Variants in HMGA2 observed in about 807,000 individuals in gnomAD.
HMGA2 encodes the protein high mobility group protein HMGI-C.
Under a neutral mutation model 19.1 loss-of-function variants are expected in HMGA2, and 8 were observed. The observed-to-expected ratio is 0.42, with a 90% CI of 0.25 to 0.76. HMGA2 has a LOEUF of 0.76. Ranked by LOEUF, HMGA2 falls within the 30% of genes least tolerant of loss-of-function variation. The probability of loss-of-function intolerance (pLI) is 0.28; values close to 1 mark genes in which losing one functional copy is unlikely to be tolerated. For missense variants in HMGA2, 109 were observed against 136.3 expected (o/e 0.80, Z 1.00); for synonymous variants, 60 against 48.8 (o/e 1.23, Z -0.96).
intron 3 of HMGA2, chr12:65,867,019 A>G (rs955589537): frequency 2.2e-6 from 1 of 453,124 alleles, no homozygotes; most frequent in Non-Finnish European, 4.4e-6. Context: ...TAGTTTCTAA[A>G]CACTGCAGAA....
intron 3 of HMGA2, among the ~76,000 whole-genome samples, chr12:65,948,036 A>G (rs1262808459): frequency 2.0e-5 from 3 of 152,048 alleles, no homozygotes; most frequent in South Asian, 2.1e-4. Flanking sequence ...GCATTATATC[A>G]GGGATTAAGA....
intron 3 of HMGA2, among the ~76,000 whole-genome samples, chr12:65,850,873 G>C (rs1050736755): frequency 6.6e-6 from 1 of 152,106 alleles, no homozygotes; most frequent in African/African-American, 2.4e-5. Flanking sequence ...CCTTGACAGT[G>C]GTGTACAAGT....
At chr12:65,888,412 G>A (rs1288593168) in intron 3 of HMGA2, among the ~76,000 whole-genome samples, 1 of 151,468 alleles carries the variant, frequency 6.6e-6, no homozygotes, top group Non-Finnish European at 1.5e-5. Flanking sequence ...CCAAGATGGC[G>A]CCACTGCACT....
At chr12:65,897,582 C>A (rs1019274486) in intron 3 of HMGA2, among the ~76,000 whole-genome samples, 1 of 152,142 alleles carries the variant, frequency 6.6e-6, no homozygotes, top group East Asian at 1.9e-4. Context: ...AGTGAGCAAG[C>A]ATGCAGAGCA....
intron 3 of HMGA2, among the ~76,000 whole-genome samples, chr12:65,861,752 T>G (rs945826707): frequency 6.6e-6 from 1 of 151,906 alleles, no homozygotes; most frequent in African/African-American, 2.4e-5. Flanking sequence ...CTTAAATTTT[T>G]TTTCTCTCTG....
chr12:65,957,727 C>T (rs538795152), intron 4 of HMGA2: 17 of 152,056 alleles, frequency 1.1e-4, no homozygotes, highest in Non-Finnish European at 2.5e-4. Flanking sequence ...CCCTTTATCC[C>T]AGAAAGGAGA....
In HMGA2 at chr12:65,880,216, A is replaced by G. The variant is rs574185224; in HGVS notation, c.249+41647A>G. Reference sequence around the variant, plus strand: ...TCACGGGGAAAATCCTAGCACTTTGAAAGCATTTCAGGTCAAAGCAAATAA... The same window carrying G: ...TCACGGGGAAAATCCTAGCACTTTGGAAGCATTTCAGGTCAAAGCAAATAA... On this transcript the variant is annotated intron_variant, in intron 3 of 4. Transcript: ENST00000403681. Among the ~76,000 whole-genome samples, 7 of 152,360 alleles carry G rather than the reference A, an allele frequency of 4.6e-5. No homozygotes were observed. The South Asian group carries it at 1.5e-3, about 32-fold the overall frequency.
chr12:65,859,333 C>T (rs1161773592), intron 3 of HMGA2: 1 of 152,232 alleles, frequency 6.6e-6, no homozygotes, highest in Non-Finnish European at 1.5e-5. Context: ...CTTTGTCTCT[C>T]CCCTGCTCTT....
intron 3 of HMGA2, among the ~76,000 whole-genome samples, chr12:65,931,114 T>C (rs1875692064): frequency 6.6e-6 from 1 of 152,222 alleles, no homozygotes; most frequent in Non-Finnish European, 1.5e-5. Flanking sequence ...GTATTTTTCA[T>C]TCATTTGCTC....
At chr12:65,887,144 T>A (rs1245411142) in intron 3 of HMGA2, among the ~76,000 whole-genome samples, 1 of 152,184 alleles carries the variant, frequency 6.6e-6, no homozygotes, top group East Asian at 1.9e-4. Flanking sequence ...ATAAAATGGA[T>A]GATATTTTAG....
At chr12:65,961,035 G>A (rs1294302914) in intron 4 of HMGA2, among the ~76,000 whole-genome samples, 4 of 152,164 alleles carry the variant, frequency 2.6e-5, no homozygotes, top group East Asian at 1.9e-4. Context: ...CTTGGTTTCC[G>A]GATAGTATAG....
intron 3 of HMGA2, among the ~76,000 whole-genome samples, chr12:65,839,306 C>T (rs1223918949): frequency 2.0e-5 from 3 of 152,066 alleles, no homozygotes; most frequent in African/African-American, 7.2e-5. Flanking sequence ...CCATGTTCTT[C>T]TGGTCTGTCT....
intron 3 of HMGA2, among the ~76,000 whole-genome samples, chr12:65,878,952 A>G (rs7973574): frequency 0.073 from 11,093 of 152,230 alleles, 785 homozygotes; most frequent in African/African-American, 0.19. Context: ...CTAAGCTCCA[A>G]TTTCTTGCTT....
At chr12:65,912,435 A>G (rs1265043163) in intron 3 of HMGA2, among the ~76,000 whole-genome samples, 1 of 152,132 alleles carries the variant, frequency 6.6e-6, no homozygotes, top group East Asian at 1.9e-4. Context: ...GCCTCAGCAA[A>G]ATAAAGAACA....
intron 3 of HMGA2, among the ~76,000 whole-genome samples, chr12:65,945,031 G>T (rs1483540892): frequency 6.6e-6 from 1 of 151,894 alleles, no homozygotes; most frequent in Non-Finnish European, 1.5e-5. Context: ...AACATGCTTA[G>T]CCCTAAGATT....
chr12:65,962,958 T>C (rs1876794480), intron 4 of HMGA2, among the ~76,000 whole-genome samples: 1 of 152,152 alleles, frequency 6.6e-6, no homozygotes, highest in Non-Finnish European at 1.5e-5. Flanking sequence ...TAAGCGTGCA[T>C]TGCCCTGACA....
intron 3 of HMGA2, among the ~76,000 whole-genome samples, chr12:65,896,607 A>T (rs1314524685): frequency 6.6e-6 from 1 of 152,114 alleles, no homozygotes; most frequent in Non-Finnish European, 1.5e-5. Context: ...CGTGTGCAGC[A>T]TGGCCATTTC....
rs1870048656 is a variant in HMGA2, at chr12:65,824,752, T to TCC, written c.-518_-517insCC. ...CTCTCTCTCTCTCTCTCTCTCTCTCTCTCTCTCTCTCTCTCTCGCAGGGTG... is the reference window on the plus strand; with the variant it reads ...CTCTCTCTCTCTCTCTCTCTCTCTCTCCCTCTCTCTCTCTCTCTCGCAGGGTG... On this transcript the variant is annotated 5_prime_UTR_variant, in exon 1 of 5. Transcript: ENST00000403681. 4.4e-6 allele frequency: 1 copy of TCC among 228,572 alleles called. No individual in the cohort carries two copies. Among genetic ancestry groups the TCC allele is most frequent in the Non-Finnish European group, 8.5e-6 (1 of 118,034 alleles). The allele number at this position is 228,572 out of a possible 1,614,324, so 14.2% of individuals were successfully genotyped here. A position where few individuals can be genotyped will look rare whatever the true frequency, so the allele number is the denominator to read the frequency against.
intron 3 of HMGA2, among the ~76,000 whole-genome samples, chr12:65,935,504 CTTT>C (rs531582270): frequency 2.1e-3 from 306 of 146,550 alleles, no homozygotes; most frequent in African/African-American, 7.4e-3. Flanking sequence ...TTGGGTTTTT[CTTT>C]TTTTTTTTCT....
Sources: allele counts gnomAD v4.1 joint callset (sites outside exome capture counted in the v4.1 genomes callset), GRCh38; gene constraint gnomAD v4.1.1; transcripts MANE v1.5; gene names NCBI Gene and HGNC (gene_info 2026-07-23, HGNC 2026-07-21).